The following TENM2 variants were observed in gnomAD, a reference collection of about 807,000 sequenced individuals.
The protein encoded by TENM2 is teneurin transmembrane protein 2, also known as teneurin-2.
Under a neutral mutation model 245.2 loss-of-function variants are expected in TENM2, and 52 were observed. The ratio of observed to expected loss-of-function variants is 0.21; its 90% CI spans 0.17 to 0.27. TENM2 has a LOEUF of 0.27. Ranked by LOEUF, TENM2 falls within the 10% of genes least tolerant of loss-of-function variation. TENM2 has a pLI of 1.00. For synonymous variants in TENM2, 1,363 were observed against 1,438.9 expected (o/e 0.95, Z 1.19); for missense variants, 3,046 against 3,666.8 (o/e 0.83, Z 4.37).
At chr5:168,025,236 G>A (rs1435464158) in intron 5 of TENM2, among the ~76,000 whole-genome samples, 1 of 152,200 alleles carries the variant, frequency 6.6e-6, no homozygotes, top group Non-Finnish European at 1.5e-5. Context: ...TCAGGTTTCT[G>A]AAACAATTTT....
At chr5:167,490,831 T>C (rs1768386468) in intron 2 of TENM2, among the ~76,000 whole-genome samples, 1 of 152,166 alleles carries the variant, frequency 6.6e-6, no homozygotes, top group African/African-American at 2.4e-5. Context: ...TCCTTAACTG[T>C]CAATGGTAAT....
chr5:167,247,613 C>T, the TENM2 span, among the ~76,000 whole-genome samples: 2 of 152,180 alleles, frequency 1.3e-5, no homozygotes, highest in Admixed American at 6.5e-5. Flanking sequence ...GCCTCCTCTG[C>T]TTCTTCTCCT....
At chr5:168,253,493 T>A (rs1325159802) in intron 27 of TENM2, among the ~76,000 whole-genome samples, 2 of 150,804 alleles carry the variant, frequency 1.3e-5, no homozygotes, top group Non-Finnish European at 3.0e-5. Flanking sequence ...TGGTACGATC[T>A]TGGCTCACTG....
chr5:167,629,377 T>C (rs948637020), intron 2 of TENM2, among the ~76,000 whole-genome samples: 2 of 152,240 alleles, frequency 1.3e-5, no homozygotes, highest in Non-Finnish European at 2.9e-5. Flanking sequence ...CATGATAAAC[T>C]ACTTGGCATG....
At chr5:168,055,920 G>T (rs1235876176) in intron 6 of TENM2, among the ~76,000 whole-genome samples, 3 of 152,126 alleles carry the variant, frequency 2.0e-5, no homozygotes, top group Non-Finnish European at 2.9e-5. Flanking sequence ...CCTCCTTAAG[G>T]TCTCAGAACT....
intron 2 of TENM2, among the ~76,000 whole-genome samples, chr5:167,708,232 TGGAG>T (rs1269520173): frequency 3.5e-5 from 5 of 141,240 alleles, no homozygotes; most frequent in Non-Finnish European, 4.6e-5. Context: ...AAGAAAGTGA[TGGAG>T]AGAGAGAGAG....
At chr5:167,615,120 G>A (rs564678571) in intron 2 of TENM2, among the ~76,000 whole-genome samples, 4 of 152,040 alleles carry the variant, frequency 2.6e-5, no homozygotes, top group Admixed American at 6.6e-5. Flanking sequence ...ACTTTATCTC[G>A]ATTCAGAACA....
intron 2 of TENM2, among the ~76,000 whole-genome samples, chr5:167,729,320 G>A (rs1440105914): frequency 1.3e-5 from 2 of 152,128 alleles, no homozygotes; most frequent in African/African-American, 4.8e-5. Flanking sequence ...TTATCACAGA[G>A]CTAAAGTTTA....
In TENM2 at chr5:168,012,912, T is replaced by C. The variant is rs185515766; in HGVS notation, c.1186+19730T>C. 6.6e-5 allele frequency among the ~76,000 whole-genome samples: 10 copies of C among 152,056 alleles called. No individual in the cohort carries two copies. In the East Asian group the frequency reaches 1.7e-3, roughly 27 times the overall value. Reference sequence around the variant, plus strand: ...CAGTGATGCCATCCAGGACACTGGCTCTTCCCATCTCCACTTTGCCATTCC... The same window carrying C: ...CAGTGATGCCATCCAGGACACTGGCCCTTCCCATCTCCACTTTGCCATTCC... On this transcript the variant is annotated intron_variant, in intron 5 of 28. Transcript: ENST00000518659.
At chr5:167,816,256 T>G (rs1767049288) in intron 2 of TENM2, among the ~76,000 whole-genome samples, 1 of 152,126 alleles carries the variant, frequency 6.6e-6, no homozygotes, top group South Asian at 2.1e-4. Context: ...CTGTATTCCC[T>G]TTGATCTCTC....
At chr5:168,229,353 ATTCTGCTCCAGTCACTT>A (rs1267784656) in intron 25 of TENM2, among the ~76,000 whole-genome samples, 1 of 152,056 alleles carries the variant, frequency 6.6e-6, no homozygotes, top group Non-Finnish European at 1.5e-5. Context: ...GCAGAAGTGG[ATTCTGCTCCAGTCACTT>A]ATCTGTCACC....
At chr5:168,006,355 G>A (rs1784816485) in intron 5 of TENM2, among the ~76,000 whole-genome samples, 1 of 152,122 alleles carries the variant, frequency 6.6e-6, no homozygotes, top group South Asian at 2.1e-4. Flanking sequence ...AGGGCGCGAG[G>A]GTTGTCATGC....
At chr5:168,168,119 C>T (rs1334077550) in intron 13 of TENM2, among the ~76,000 whole-genome samples, 1 of 152,124 alleles carries the variant, frequency 6.6e-6, no homozygotes, top group Non-Finnish European at 1.5e-5. Flanking sequence ...TTCTAAGCCC[C>T]CACCTTTGAG....
the TENM2 span, among the ~76,000 whole-genome samples, chr5:167,218,294 G>A: frequency 5.9e-5 from 9 of 152,068 alleles, no homozygotes; most frequent in African/African-American, 1.9e-4. Context: ...CTATCAAATT[G>A]TGCCAAGTGT....
At chr5:167,233,287 T>A in the TENM2 span, among the ~76,000 whole-genome samples, 1 of 152,220 alleles carries the variant, frequency 6.6e-6, no homozygotes, top group Admixed American at 6.5e-5. Context: ...AACTTTCTTT[T>A]AAAATGAAGG....
At position 168,034,643 on chromosome 5, in the gene TENM2, T is replaced by TA. The variant is rs766701555; in HGVS notation, c.1187-12783dup. 1.2e-4 allele frequency among the ~76,000 whole-genome samples: 18 copies of TA among 151,924 alleles called. No individual in the cohort carries two copies. In the South Asian group the frequency reaches 1.7e-3, roughly 14 times the overall value. ...TTAACTGACCAGGAATGGTGACGCA[T>TA]ACCTGTAGTCCCAGCTACTTGGGAG... On this transcript the variant is annotated intron_variant, in intron 5 of 28. Transcript: ENST00000518659.
At chr5:167,367,599 C>T (rs1004454656) in intron 1 of TENM2, among the ~76,000 whole-genome samples, 1 of 151,994 alleles carries the variant, frequency 6.6e-6, no homozygotes, top group Non-Finnish European at 1.5e-5. Flanking sequence ...CCTCTGGTGC[C>T]TTCCAAAATG....
At position 168,247,008 on chromosome 5, in the gene TENM2, G is replaced by A. The variant is rs373801764; in HGVS notation, c.6069G>A (p.Gly2023=). The A allele has an allele frequency of 2.0e-5, 33 of 1,613,844 alleles. No individual in the cohort carries two copies. Among genetic ancestry groups the A allele is most frequent in the Middle Eastern group, 3.3e-4 (2 of 6,084 alleles). Residue 2023 remains glycine, a synonymous_variant, in exon 27 of 29, where the codon GGG becomes GGA. Transcript: ENST00000518659. The surrounding 1 kb of genome is among the most constrained non-coding windows in gnomAD (Gnocchi z 7.8). ...GACGCCAGGTGTTCTACAAGTATGG[G>A]AAACTCTCCAAGTTATCAGAGATTG...
At chr5:167,705,735 A>G (rs1485369314) in intron 2 of TENM2, among the ~76,000 whole-genome samples, 1 of 151,890 alleles carries the variant, frequency 6.6e-6, no homozygotes, top group Non-Finnish European at 1.5e-5. Context: ...TTCATCATTG[A>G]CACTTCCTAC....
Sources: allele counts gnomAD v4.1 joint callset (sites outside exome capture counted in the v4.1 genomes callset), GRCh38; gene constraint gnomAD v4.1.1; non-coding constraint Gnocchi (gnomAD v3.1); transcripts MANE v1.5; gene names NCBI Gene and HGNC (gene_info 2026-07-23, HGNC 2026-07-21).